Variants in DMD observed in about 807,000 individuals in gnomAD.
DMD encodes the protein mutant dystrophin.
Under a neutral mutation model 330.1 loss-of-function variants are expected in DMD, and 63 were observed. The observed-to-expected ratio is 0.19, with a 90% CI of 0.16 to 0.24. The LOEUF (loss-of-function observed/expected upper bound fraction) is 0.24, where lower values mean the gene tolerates loss of function less well. Ranked by LOEUF, DMD falls within the 10% of genes least tolerant of loss-of-function variation. The probability of loss-of-function intolerance (pLI) is 1.00; values close to 1 mark genes in which losing one functional copy is unlikely to be tolerated. For synonymous variants in DMD, 1,223 were observed against 959.8 expected (o/e 1.27, Z -5.07); for missense variants, 3,344 against 2,684.1 (o/e 1.25, Z -5.43).
intron 44 of DMD, among the ~76,000 whole-genome samples, chrX:32,143,540 AT>A (rs746106044): frequency 0.037 from 3,633 of 97,215 alleles, 122 homozygotes; most frequent in Admixed American, 0.15. Flanking sequence ...GTAAAAATAC[AT>A]TTTTTTTTTT....
intron 7 of DMD, among the ~76,000 whole-genome samples, chrX:32,785,713 C>CT (rs961108798): frequency 9.0e-6 from 1 of 111,046 alleles, no homozygotes; most frequent in South Asian, 3.7e-4. Flanking sequence ...TATTTTTTAA[C>CT]TTTTTTCGTA....
At chrX:32,789,932 G>A (rs1020371636) in intron 7 of DMD, among the ~76,000 whole-genome samples, 6 of 111,949 alleles carry the variant, frequency 5.4e-5, no homozygotes, top group African/African-American at 1.6e-4. Flanking sequence ...TGATATTACA[G>A]GATATTTCCT....
intron 41 of DMD, among the ~76,000 whole-genome samples, chrX:32,313,386 T>C (rs760663081): frequency 5.4e-5 from 6 of 111,650 alleles, no homozygotes; most frequent in Admixed American, 1.9e-4. Flanking sequence ...AAACTAGTTA[T>C]TGATGGGACA....
At position 32,415,676 on chromosome X, in the gene DMD, G is replaced by T. The variant is rs371646662; in HGVS notation, c.4072-3763C>A. Among the ~76,000 whole-genome samples, 9 of 111,883 alleles carry T rather than the reference G, an allele frequency of 8.0e-5. No homozygotes were observed. In the South Asian group the frequency reaches 3.3e-3, roughly 41 times the overall value. The stretch of plus-strand genomic sequence containing the variant: ...TTCATGTCTTTAGCTAATCCACTTA[G>T]CAGTAAGAGGAATTATATAGCTAGA... On this transcript the variant is annotated intron_variant, in intron 29 of 78. Coordinates refer to ENST00000357033, the MANE Select transcript of DMD (RefSeq NM_004006.3).
intron 51 of DMD, among the ~76,000 whole-genome samples, chrX:31,733,187 C>A (rs747967625): frequency 4.5e-5 from 5 of 111,221 alleles, no homozygotes; most frequent in Non-Finnish European, 9.5e-5. Flanking sequence ...CTCACTAAGT[C>A]CCCCCAGAGT....
At chrX:32,753,019 G>A (rs746485849) in intron 7 of DMD, among the ~76,000 whole-genome samples, 210 of 110,648 alleles carry the variant, frequency 1.9e-3, no homozygotes, top group Non-Finnish European at 3.3e-3. Flanking sequence ...CATGAAAACG[G>A]ACTAATACAC....
intron 48 of DMD, among the ~76,000 whole-genome samples, chrX:31,843,486 A>C (rs768464726): frequency 1.8e-5 from 2 of 111,767 alleles, no homozygotes; most frequent in Non-Finnish European, 3.8e-5. Context: ...GCATTTTTTC[A>C]TATCTGTTAG....
intron 2 of DMD, among the ~76,000 whole-genome samples, chrX:32,850,800 C>T (rs1603448597): frequency 8.9e-6 from 1 of 111,896 alleles, no homozygotes; most frequent in Non-Finnish European, 1.9e-5. Context: ...TTTTCATCAC[C>T]TATCTGGAAA....
intron 2 of DMD, among the ~76,000 whole-genome samples, chrX:32,888,643 G>A (rs1291046277): frequency 2.7e-5 from 3 of 111,680 alleles, no homozygotes; most frequent in Admixed American, 9.5e-5. Flanking sequence ...ATACAATCCA[G>A]CAATCTCACT....
At chrX:32,808,465 C>T (rs2077113223) in intron 7 of DMD, among the ~76,000 whole-genome samples, 1 of 111,362 alleles carries the variant, frequency 9.0e-6, no homozygotes, top group Non-Finnish European at 1.9e-5. Context: ...ACTCCTCCCA[C>T]CCCAATGTGG....
intron 47 of DMD, among the ~76,000 whole-genome samples, chrX:31,890,747 G>A (rs947643912): frequency 3.6e-5 from 4 of 111,112 alleles, no homozygotes. Flanking sequence ...AATATTTTCT[G>A]TCTAGAAAGC....
intron 44 of DMD, among the ~76,000 whole-genome samples, chrX:32,209,416 G>A (rs1250876616): frequency 9.0e-6 from 1 of 111,199 alleles, no homozygotes; most frequent in African/African-American, 3.3e-5. Context: ...AGAGAGAAAA[G>A]CAAATTTAAA....
At position 32,649,971 on chromosome X, in the gene DMD, C is replaced by T. The variant is rs148984014; in HGVS notation, c.961-4819G>A. 1.0e-2 allele frequency among the ~76,000 whole-genome samples: 1,104 copies of T among 110,833 alleles called. 20 individuals are homozygous for T. Among genetic ancestry groups the T allele is most frequent in the African/African-American group, 0.034 (1,043 of 30,465 alleles). Reference sequence around the variant, plus strand: ...AGATCCCAAGAAATGCTCTGCAATGCCTGTGTTTGGGGGCCAAAGTTCATT... The same window carrying T: ...AGATCCCAAGAAATGCTCTGCAATGTCTGTGTTTGGGGGCCAAAGTTCATT... On this transcript the variant is annotated intron_variant, in intron 9 of 78. Coordinates refer to ENST00000357033, the MANE Select transcript of DMD (RefSeq NM_004006.3).
At chrX:31,721,690 C>A (rs1480617768) in intron 52 of DMD, among the ~76,000 whole-genome samples, 11,697 of 59,992 alleles carry the variant, frequency 0.19, 853 homozygotes, top group Admixed American at 0.39. Flanking sequence ...CTCTCACTCT[C>A]TCTCTCTCTC....
chrX:31,214,272 G>C (rs1284033623), intron 64 of DMD, among the ~76,000 whole-genome samples: 2 of 112,123 alleles, frequency 1.8e-5, no homozygotes, highest in Non-Finnish European at 3.8e-5. Flanking sequence ...GCCAGACCTA[G>C]TAGTCCCTGA....
intron 29 of DMD, among the ~76,000 whole-genome samples, chrX:32,427,281 C>T (rs1481615008): frequency 1.8e-5 from 2 of 111,044 alleles, no homozygotes; most frequent in Admixed American, 1.9e-4. Context: ...TAGGAGCTGT[C>T]ATCTGAGTAT....
chrX:32,357,259 C>A (rs2097805060), intron 37 of DMD, among the ~76,000 whole-genome samples: 1 of 111,860 alleles, frequency 8.9e-6, no homozygotes, highest in Non-Finnish European at 1.9e-5. Flanking sequence ...TTGAATTCAT[C>A]ATCTTCTTGG....
chrX:31,887,066 G>A (rs138307549), intron 47 of DMD, among the ~76,000 whole-genome samples: 123 of 111,569 alleles, frequency 1.1e-3, no homozygotes, highest in Non-Finnish European at 1.9e-3. Flanking sequence ...ACCAAGCTAG[G>A]ATTTGAACCC....
At chrX:32,500,057 T>C (rs1199665677) in intron 19 of DMD, among the ~76,000 whole-genome samples, 1 of 110,639 alleles carries the variant, frequency 9.0e-6, no homozygotes, top group Non-Finnish European at 1.9e-5. Context: ...CGACCATATC[T>C]TTACTGGTAG....
Sources: gnomAD v4.1 joint callset for allele counts (sites outside exome capture counted in the v4.1 genomes callset) on GRCh38, gnomAD v4.1.1 for gene constraint, MANE v1.5 for transcripts, NCBI Gene and HGNC (gene_info 2026-07-23, HGNC 2026-07-21) for gene names.